The following PRR19 variants were observed in gnomAD, a reference collection of about 807,000 sequenced individuals.
The protein encoded by PRR19 is proline-rich protein 19.
In PRR19, 9 loss-of-function variants were observed where a neutral mutation model predicts 19.2. The observed-to-expected ratio is 0.47, with a 90% CI of 0.28 to 0.82. The LOEUF (loss-of-function observed/expected upper bound fraction) is 0.82, where lower values mean the gene tolerates loss of function less well. PRR19 is among the 40% of genes least tolerant of loss of function. The pLI, the probability that PRR19 is intolerant of heterozygous loss-of-function variation, is 0.11. For synonymous variants in PRR19, 190 were observed against 191.0 expected, an observed-to-expected ratio of 0.99 and a Z score of 0.04; for missense variants, 457 against 466.0, an observed-to-expected ratio of 0.98 and a Z score of 0.18.
At chr19:42,304,055 G>A (rs181209878) in intron 1 of PRR19, among the ~76,000 whole-genome samples, 2 of 150,924 alleles carry the variant, frequency 1.3e-5, no homozygotes, top group Non-Finnish European at 2.9e-5. Flanking sequence ...GACATGGTCG[G>A]ATCACTTGAG....
In PRR19 at chr19:42,310,704, G is replaced by A. The variant is rs373478238; in HGVS notation, c.1035G>A (p.Pro345=). 16 of 1,574,150 alleles carry A rather than the reference G, an allele frequency of 1.0e-5. No homozygotes were observed. The highest frequency in any genetic ancestry group is 1.4e-5 in the African/African-American group (1 of 73,948). The change falls in exon 3 of 3, where the codon CCG becomes CCA. Residue 345 remains proline (P), a synonymous_variant. Transcript: ENST00000341747. ...SLSWVVAQSS[P]EAWSFPPMRL... is the part of the protein sequence containing the mutation. ...CCTGGGTAGTAGCCCAGAGCAGTCC[G>A]GAAGCCTGGTCTTTTCCACCCATGA... is the stretch of plus-strand genomic sequence containing the variant.
At chr19:42,307,958 C>A (rs1486052474) in intron 1 of PRR19, among the ~76,000 whole-genome samples, 1 of 150,280 alleles carries the variant, frequency 6.7e-6, no homozygotes, top group South Asian at 2.1e-4. Flanking sequence ...GGGGTTTCAC[C>A]GTGTTAGCCA....
intron 1 of PRR19, among the ~76,000 whole-genome samples, chr19:42,303,064 G>GGTGT (rs59660057): frequency 0.28 from 37,599 of 133,558 alleles, 5,520 homozygotes; most frequent in East Asian, 0.36. Context: ...AAACACCGTG[G>GGTGT]GTGTGTGTGT....
chr19:42,303,066 T>TGG (rs1248226683), intron 1 of PRR19, among the ~76,000 whole-genome samples: 5 of 93,040 alleles, frequency 5.4e-5, no homozygotes, highest in Non-Finnish European at 9.8e-5. Flanking sequence ...ACACCGTGGG[T>TGG]GTGTGTGTGT....
chr19:42,310,067 C>G lies in PRR19; in HGVS notation c.483C>G (p.Phe161Leu). Residue 161 changes from phenylalanine (F) to leucine (L), a missense_variant, in exon 2 of 3, where the codon TTC (phenylalanine) becomes TTG (leucine). Transcript: ENST00000341747. ...LQCQLSLPQA[F>L]PRRNLIQDAR... ...GTCAGCTGAGTTTGCCACAGGCCTT[C>G]CCCCGGAGGAACCTGATTCAGGATG... 1.2e-6 allele frequency: 2 copies of G among 1,614,052 alleles called. No homozygotes were observed. Among genetic ancestry groups the G allele is most frequent in the Non-Finnish European group, 1.7e-6 (2 of 1,180,018 alleles).
chr19:42,307,133 C>T (rs1047112207), intron 1 of PRR19: 6 of 152,672 alleles, frequency 3.9e-5, no homozygotes, highest in African/African-American at 1.4e-4. Flanking sequence ...TCTGCCCACC[C>T]TGCCCTACCG....
chr19:42,310,467 T>C lies in PRR19; in HGVS notation c.798T>C (p.Phe266=), dbSNP rs2038780643. ...APPRGPWPPY[F]PSLSSPSGTA... is the part of the protein sequence containing the mutation. ...CAAGAGGTCCCTGGCCACCATACTTTCCCTCACTGTCTTCGCCATCTGGAA... is the reference window on the plus strand; with the variant it reads ...CAAGAGGTCCCTGGCCACCATACTTCCCCTCACTGTCTTCGCCATCTGGAA... The change falls in exon 3 of 3, where the codon TTT becomes TTC. Residue 266 remains phenylalanine, a synonymous_variant. Coordinates refer to ENST00000341747, the MANE Select transcript of PRR19 (RefSeq NM_199285.3). The C allele has an allele frequency of 1.2e-6, 2 of 1,614,168 alleles. No individual in the cohort carries two copies. Among genetic ancestry groups the C allele is most frequent in the South Asian group, 1.1e-5 (1 of 91,088 alleles).
rs2038701710 is a variant in PRR19 at position 42,305,894 on chromosome 19, T to G, written c.-7+3391T>G. Among the ~76,000 whole-genome samples, 6 of 152,124 alleles carry G rather than the reference T, an allele frequency of 3.9e-5. No homozygotes were observed. In the South Asian group the frequency reaches 1.2e-3, roughly 31 times the overall value. ...ACACTACACTAACTTTTTTTTGAGA[T>G]GGAGTCTTTCTCTGTCACCCAGGCT... On this transcript the variant is annotated intron_variant, in intron 1 of 2. Transcript: ENST00000341747.
intron 1 of PRR19, among the ~76,000 whole-genome samples, chr19:42,304,631 T>C (rs1166629637): frequency 6.6e-6 from 1 of 150,774 alleles, no homozygotes; most frequent in Non-Finnish European, 1.5e-5. Context: ...GCGCCTGTTG[T>C]CCCAGCTACT....
rs1266401023 is a variant in PRR19 at position 42,309,897 on chromosome 19, A to G, written c.313A>G (p.Lys105Glu). Reference protein sequence around the residue: ...LVPGSPTLPAKPSPSPGRAQE... With the variant: ...LVPGSPTLPAEPSPSPGRAQE... ...GCCAGGCAGCCCCACACTCCCCGCC[A>G]AGCCCTCCCCAAGCCCAGGCAGGGC... is the stretch of plus-strand genomic sequence containing the variant. The change falls in exon 2 of 3, where the codon AAG becomes GAG. Residue 105 changes from lysine (K) to glutamate (E), a missense_variant. Physicochemically the swap from Lys to Glu is moderately conservative, Grantham distance 56. Transcript: ENST00000341747. 1 of 1,613,926 alleles carries G rather than the reference A, an allele frequency of 6.2e-7. No homozygotes were observed. Among genetic ancestry groups the G allele is most frequent in the Admixed American group, 1.7e-5 (1 of 60,022 alleles).
chr19:42,304,041 G>A (rs1256465016), intron 1 of PRR19, among the ~76,000 whole-genome samples: 1 of 152,068 alleles, frequency 6.6e-6, no homozygotes, highest in Admixed American at 6.6e-5. Flanking sequence ...CACTTTGGGA[G>A]GCTGACATGG....
chr19:42,309,707 C>T lies in PRR19; in HGVS notation c.123C>T (p.Ala41=), dbSNP rs1301810231. ...KALVGSRRPL[A]HHDPPVAIRD... ...TGGTGGGCAGCCGCCGGCCATTAGC[C>T]CACCACGATCCTCCTGTGGCCATTC... The change falls in exon 2 of 3, where the codon GCC becomes GCT. Residue 41 remains alanine, a synonymous_variant. Transcript: ENST00000341747. 1 of 1,605,610 alleles carries T rather than the reference C, an allele frequency of 6.2e-7. No homozygotes were observed. Among genetic ancestry groups the T allele is most frequent in the East Asian group, 2.2e-5 (1 of 44,610 alleles).
chr19:42,308,390 CTTTTTTT>C (rs774768445), intron 1 of PRR19, among the ~76,000 whole-genome samples: 273 of 119,298 alleles, frequency 2.3e-3, no homozygotes, highest in South Asian at 3.8e-3. Context: ...CCGAATCCAG[CTTTTTTT>C]TTTTTTTTTT....
chr19:42,303,444 C>T (rs1433025840), intron 1 of PRR19: 1 of 152,184 alleles, frequency 6.6e-6, no homozygotes, highest in African/African-American at 2.4e-5. Context: ...TCTCCCCCAA[C>T]GCTGCCCCAA....
Position 42,302,374 on chromosome 19 carries a change from T to C in PRR19, c.-136T>C. The C allele has an allele frequency of 7.0e-7, 1 of 1,435,356 alleles. No individual in the cohort carries two copies. Among genetic ancestry groups the C allele is most frequent in the Non-Finnish European group, 9.5e-7 (1 of 1,057,428 alleles). The allele number at this position is 1,435,356 out of a possible 1,614,324, so 88.9% of individuals were successfully genotyped here. On this transcript the variant is annotated 5_prime_UTR_variant, in exon 1 of 3. Transcript: ENST00000341747. ...GGCCCGGGAGTGTTCCGAACGGAGCTGGCTCCGCCACGCCCACTCCTACCC... is the reference window on the plus strand; with the variant it reads ...GGCCCGGGAGTGTTCCGAACGGAGCCGGCTCCGCCACGCCCACTCCTACCC...
chr19:42,310,397 A>G lies in PRR19; in HGVS notation c.728A>G (p.Tyr243Cys), dbSNP rs756955864. ...GTKEFTFPMP[Y>C]TSSMPTAHRG... is the part of the protein sequence containing the mutation. ...AAGGAGTTCACCTTCCCCATGCCCT[A>G]CACCTCCAGCATGCCCACTGCGCAC... Residue 243 changes from tyrosine (Y) to cysteine (C), a missense_variant, in exon 3 of 3, where the codon TAC becomes TGC. Transcript: ENST00000341747. 16 of 1,613,998 alleles carry G rather than the reference A, an allele frequency of 9.9e-6. No homozygotes were observed. The East Asian group carries it at 3.6e-4, about 36-fold the overall frequency.
In PRR19 at chr19:42,302,440, C is replaced by T; in HGVS notation, c.-70C>T. The stretch of plus-strand genomic sequence containing the variant: ...GACCGTCCCAACGCTAGCACACCCG[C>T]GGAGGACGAAGGCCGATACAGGGCG... On this transcript the variant is annotated 5_prime_UTR_variant, in exon 1 of 3. Transcript: ENST00000341747. 1 of 792,072 alleles carries T rather than the reference C, an allele frequency of 1.3e-6. No individual in the cohort carries two copies. Among genetic ancestry groups the T allele is most frequent in the South Asian group, 1.8e-5 (1 of 55,614 alleles). The allele number at this position is 792,072 out of a possible 1,614,324, so 49.1% of individuals were successfully genotyped here.
chr19:42,302,171 G>T lies in PRR19; in HGVS notation c.-339G>T, dbSNP rs1004365900. On this transcript the variant is annotated 5_prime_UTR_variant, in exon 1 of 3. Coordinates refer to ENST00000341747, the MANE Select transcript of PRR19 (RefSeq NM_199285.3). ...GTAGTGAGAGTGGCACGAACCAGCC[G>T]TTCTCCTGAGCCACCCCCCGCGCCC... is the stretch of plus-strand genomic sequence containing the variant. The T allele has an allele frequency of 1.1e-5, 16 of 1,514,076 alleles. No individual in the cohort carries two copies. The highest frequency in any genetic ancestry group is 1.7e-4 in the Middle Eastern group (1 of 5,940). 93.8% of individuals were successfully genotyped at this position (1,514,076 alleles called of 1,614,324 possible).
chr19:42,302,508 G>A lies in PRR19; in HGVS notation c.-7+5G>A. The A allele has an allele frequency of 3.6e-6, 2 of 558,592 alleles. No individual in the cohort carries two copies. The highest frequency in any genetic ancestry group is 3.5e-5 in the Admixed American group (1 of 28,340). 34.6% of individuals were successfully genotyped at this position (558,592 alleles called of 1,614,324 possible). ...ACGGAAGCCTTCACTTAGGAGGTAG[G>A]TGGAATCAGGAACCTTCGCTTCCCC... is the stretch of plus-strand genomic sequence containing the variant. On this transcript the variant is annotated splice_donor_5th_base_variant and intron_variant, in intron 1 of 2. Coordinates refer to ENST00000341747, the MANE Select transcript of PRR19 (RefSeq NM_199285.3).
Sources: gnomAD v4.1 joint callset for allele counts (sites outside exome capture counted in the v4.1 genomes callset) on GRCh38, gnomAD v4.1.1 for gene constraint, MANE v1.5 for transcripts, NCBI Gene and HGNC (gene_info 2026-07-23, HGNC 2026-07-21) for gene names.